The following PLCB4 variants were observed in gnomAD, a reference collection of about 807,000 sequenced individuals.
PLCB4 encodes the protein phospholipase C beta 4.
In PLCB4, 77 loss-of-function variants were observed where a neutral mutation model predicts 178.8. That is an observed-to-expected ratio of 0.43 (90% CI 0.36 to 0.52). PLCB4 has a LOEUF of 0.52. Among genes scored for constraint, PLCB4 ranks in the 20% least tolerant of loss-of-function variants. PLCB4 has a pLI of 0.00. For missense variants in PLCB4, 1,024 were observed against 1,453.4 expected, an observed-to-expected ratio of 0.70 and a Z score of 4.80; for synonymous variants, 496 against 490.8, an observed-to-expected ratio of 1.01 and a Z score of -0.14.
intron 25 of PLCB4, among the ~76,000 whole-genome samples, chr20:9,417,689 G>C (rs2040349095): frequency 6.6e-6 from 1 of 152,126 alleles, no homozygotes; most frequent in African/African-American, 2.4e-5. Flanking sequence ...CTATGAATAT[G>C]TCTTTCCATT....
intron 3 of PLCB4, among the ~76,000 whole-genome samples, chr20:9,289,893 T>G (rs558630660): frequency 6.6e-6 from 1 of 152,200 alleles, no homozygotes; most frequent in East Asian, 1.9e-4. Context: ...GTAAAAATAC[T>G]TGGTAAATGG....
At chr20:9,251,176 G>T (rs2094176269) in intron 3 of PLCB4, among the ~76,000 whole-genome samples, 1 of 152,156 alleles carries the variant, frequency 6.6e-6, no homozygotes, top group South Asian at 2.1e-4. Context: ...GCAAAGGTTG[G>T]CTTTGCCACC....
intron 33 of PLCB4, among the ~76,000 whole-genome samples, chr20:9,456,373 G>A (rs2043058109): frequency 6.6e-6 from 1 of 152,206 alleles, no homozygotes; most frequent in Admixed American, 6.5e-5. Flanking sequence ...GATCTTTAAG[G>A]TGATGGTAAA....
In PLCB4 at chr20:9,474,890, C is replaced by G. The variant is rs1006403067; in HGVS notation, c.3495+1525C>G. ...AGGGGACAATACATGGTTATTGTCC[C>G]ACAGGTACAATTCATTTGACCAACT... is the stretch of plus-strand genomic sequence containing the variant. On this transcript the variant is annotated intron_variant, in intron 38 of 39. Transcript: ENST00000378473. 2.0e-5 allele frequency among the ~76,000 whole-genome samples: 3 copies of G among 152,086 alleles called. No individual in the cohort carries two copies. The South Asian group carries it at 6.2e-4, about 32-fold the overall frequency.
chr20:9,337,266 T>A lies in PLCB4; in HGVS notation c.165+60T>A, dbSNP rs535578297. The A allele has an allele frequency of 4.7e-5, 56 of 1,198,050 alleles. No homozygotes were observed. The South Asian group carries it at 6.0e-4, about 13-fold the overall frequency. The allele number at this position is 1,198,050 out of a possible 1,614,324, so 74.2% of individuals were successfully genotyped here. A position where few individuals can be genotyped will look rare whatever the true frequency, so the allele number is the denominator to read the frequency against. On this transcript the variant is annotated intron_variant, in intron 5 of 39. Coordinates refer to ENST00000378473, the MANE Select transcript of PLCB4 (RefSeq NM_001377142.1). The stretch of plus-strand genomic sequence containing the variant: ...TTTGTGGTTTAAGCCATTTTGTTTC[T>A]CAACAAGTAGACTGAGTGCTGTTGA...
At chr20:9,369,603 T>G (rs951942721) in intron 9 of PLCB4, among the ~76,000 whole-genome samples, 2 of 152,242 alleles carry the variant, frequency 1.3e-5, no homozygotes, top group African/African-American at 4.8e-5. Flanking sequence ...TGAATACAAC[T>G]GTCTCAAGAA....
chr20:9,435,711 T>C lies in PLCB4; in HGVS notation c.2613+63T>C, dbSNP rs377372060. On this transcript the variant is annotated intron_variant, in intron 29 of 39. Coordinates refer to ENST00000378473, the MANE Select transcript of PLCB4 (RefSeq NM_001377142.1). Reference sequence around the variant, plus strand: ...GGGAGTTTGATTATCAAACAGTGTTTACAAAAACAAGACAAAGTAATGAAT... The same window carrying C: ...GGGAGTTTGATTATCAAACAGTGTTCACAAAAACAAGACAAAGTAATGAAT... 312 of 945,694 alleles carry C rather than the reference T, an allele frequency of 3.3e-4. 1 individual carries two copies. In the African/African-American group the frequency reaches 4.1e-3, roughly 12 times the overall value. 58.6% of individuals were successfully genotyped at this position (945,694 alleles called of 1,614,324 possible).
chr20:9,238,121 A>C (rs889825940), intron 3 of PLCB4, among the ~76,000 whole-genome samples: 2 of 152,164 alleles, frequency 1.3e-5, no homozygotes, highest in African/African-American at 4.8e-5. Context: ...GAGCAGCTGG[A>C]AAGAGAGTTC....
intron 17 of PLCB4, among the ~76,000 whole-genome samples, chr20:9,392,231 C>G (rs773202806): frequency 4.6e-5 from 7 of 152,102 alleles, no homozygotes; most frequent in Non-Finnish European, 1.0e-4. Flanking sequence ...ACAAACAAAG[C>G]AAGGGAAGAA....
intron 4 of PLCB4, among the ~76,000 whole-genome samples, chr20:9,317,037 A>T (rs1357425772): frequency 6.6e-6 from 1 of 152,210 alleles, no homozygotes; most frequent in Non-Finnish European, 1.5e-5. Flanking sequence ...TTTAGATTTT[A>T]TGAGTCCTGC....
intron 7 of PLCB4, among the ~76,000 whole-genome samples, chr20:9,347,310 G>T (rs76471603): frequency 6.6e-6 from 1 of 152,104 alleles, no homozygotes; most frequent in Non-Finnish European, 1.5e-5. Context: ...TAATACTAAC[G>T]TGGATTTTTT....
At chr20:9,376,217 G>A (rs1356819963) in intron 12 of PLCB4, among the ~76,000 whole-genome samples, 1 of 152,124 alleles carries the variant, frequency 6.6e-6, no homozygotes, top group Non-Finnish European at 1.5e-5. Flanking sequence ...CCCCTTGGGA[G>A]CTTATTAGAA....
chr20:9,314,378 T>A (rs984439865), intron 4 of PLCB4, among the ~76,000 whole-genome samples: 2 of 152,054 alleles, frequency 1.3e-5, no homozygotes, highest in African/African-American at 4.8e-5. Flanking sequence ...CAGTCACACA[T>A]ATGGAGAAAT....
chr20:9,218,110 G>GTTTA (rs750812507), intron 3 of PLCB4, among the ~76,000 whole-genome samples: 7 of 152,070 alleles, frequency 4.6e-5, no homozygotes, highest in Non-Finnish European at 1.0e-4. Flanking sequence ...ATTGCTGTTT[G>GTTTA]TTTATTTATT....
intron 32 of PLCB4, among the ~76,000 whole-genome samples, chr20:9,445,238 C>G (rs189671604): frequency 1.3e-5 from 2 of 152,290 alleles, no homozygotes; most frequent in East Asian, 3.9e-4. Context: ...CCAGCTGCTG[C>G]TGGTAGGATA....
chr20:9,438,950 G>A (rs2041946827), intron 30 of PLCB4, among the ~76,000 whole-genome samples: 2 of 152,214 alleles, frequency 1.3e-5, no homozygotes, highest in African/African-American at 2.4e-5. Context: ...AGGCTATAAG[G>A]AAGATCTGAA....
At chr20:9,256,134 T>C (rs1007767905) in intron 3 of PLCB4, among the ~76,000 whole-genome samples, 18 of 152,180 alleles carry the variant, frequency 1.2e-4, no homozygotes, top group Admixed American at 3.3e-4. Flanking sequence ...CAGATATTGC[T>C]AGTGCGTTAA....
intron 25 of PLCB4, among the ~76,000 whole-genome samples, chr20:9,412,092 A>T (rs1163995178): frequency 6.6e-6 from 1 of 152,254 alleles, no homozygotes; most frequent in Non-Finnish European, 1.5e-5. Flanking sequence ...ACATACCTGG[A>T]GCATGCCCTA....
At chr20:9,133,932 C>A (rs569923385) in intron 2 of PLCB4, among the ~76,000 whole-genome samples, 85 of 152,312 alleles carry the variant, frequency 5.6e-4, no homozygotes, top group South Asian at 1.7e-3. Flanking sequence ...CAACGTAAGA[C>A]ATGCAAAGAG....
Sources: allele counts gnomAD v4.1 joint callset (sites outside exome capture counted in the v4.1 genomes callset), GRCh38; gene constraint gnomAD v4.1.1; transcripts MANE v1.5; gene names NCBI Gene and HGNC (gene_info 2026-07-23, HGNC 2026-07-21).